The following DPP6 variants were observed in gnomAD, a reference collection of about 807,000 sequenced individuals.
DPP6 encodes the protein A-type potassium channel modulatory protein DPP6.
In DPP6, 69 loss-of-function variants were observed where a neutral mutation model predicts 122.6. The ratio of observed to expected loss-of-function variants is 0.56; its 90% CI spans 0.46 to 0.69. The LOEUF (loss-of-function observed/expected upper bound fraction) is 0.69, where lower values mean the gene tolerates loss of function less well. Among genes scored for constraint, DPP6 ranks in the 30% least tolerant of loss-of-function variants. The pLI is 0.00. For missense variants in DPP6, 928 were observed against 1,116.9 expected, an observed-to-expected ratio of 0.83 and a Z score of 2.41; for synonymous variants, 418 against 433.1, an observed-to-expected ratio of 0.97 and a Z score of 0.43.
At chr7:154,497,864 A>T (rs1406086832) in intron 3 of DPP6, among the ~76,000 whole-genome samples, 1 of 152,098 alleles carries the variant, frequency 6.6e-6, no homozygotes, top group African/African-American at 2.4e-5. Flanking sequence ...TTATCTCCTT[A>T]CAGCATCCCT....
In DPP6 at chr7:154,497,334, A is replaced by G. The variant is rs1029195605; in HGVS notation, c.457+22297A>G. 9.2e-5 allele frequency among the ~76,000 whole-genome samples: 14 copies of G among 152,266 alleles called. 1 individual carries two copies. Among genetic ancestry groups the G allele is most frequent in the African/African-American group, 3.4e-4 (14 of 41,556 alleles). On this transcript the variant is annotated intron_variant, in intron 3 of 25. Coordinates refer to ENST00000377770, the MANE Select transcript of DPP6 (RefSeq NM_130797.4). ...GAAAAAGAACTAGGACAGGCTGGGC[A>G]TGGTGGCTCATGCCTGTAATCTCAG... is the stretch of plus-strand genomic sequence containing the variant.
chr7:154,044,019 C>G (rs1029343021), intron 1 of DPP6, among the ~76,000 whole-genome samples: 1 of 149,846 alleles, frequency 6.7e-6, no homozygotes, highest in African/African-American at 2.5e-5. Flanking sequence ...AGCACAAATT[C>G]GGGGCACAAA....
chr7:154,628,498 C>G (rs992509807), intron 5 of DPP6, among the ~76,000 whole-genome samples: 1 of 152,096 alleles, frequency 6.6e-6, no homozygotes, highest in Non-Finnish European at 1.5e-5. Flanking sequence ...TTGGTCTCAC[C>G]ACTAGAAAAA....
At chr7:154,168,343 A>T (rs1267708395) in intron 1 of DPP6, among the ~76,000 whole-genome samples, 1 of 152,236 alleles carries the variant, frequency 6.6e-6, no homozygotes, top group African/African-American at 2.4e-5. Context: ...CCACAGAGAC[A>T]GACAGACACA....
intron 5 of DPP6, among the ~76,000 whole-genome samples, chr7:154,637,361 C>T (rs1005806179): frequency 6.6e-6 from 1 of 152,172 alleles, no homozygotes; most frequent in African/African-American, 2.4e-5. Context: ...ATTAAGCCTG[C>T]CTTGACTTCA....
At chr7:154,065,700 C>T (rs1361268587) in intron 1 of DPP6, among the ~76,000 whole-genome samples, 2 of 152,104 alleles carry the variant, frequency 1.3e-5, no homozygotes, top group Non-Finnish European at 2.9e-5. Flanking sequence ...ACCTGCCTGT[C>T]ACCCAGCCCC....
chr7:154,484,135 C>G (rs1394401300), intron 3 of DPP6, among the ~76,000 whole-genome samples: 1 of 152,152 alleles, frequency 6.6e-6, no homozygotes, highest in Admixed American at 6.5e-5. Flanking sequence ...ATTTATATGG[C>G]AAATACCCTC....
At chr7:154,577,606 C>G (rs1302066455) in intron 5 of DPP6, among the ~76,000 whole-genome samples, 1 of 152,156 alleles carries the variant, frequency 6.6e-6, no homozygotes, top group African/African-American at 2.4e-5. Flanking sequence ...GAACCAGTGA[C>G]ATGCCTGTAA....
At chr7:153,835,751 G>T in the DPP6 span, among the ~76,000 whole-genome samples, 1 of 152,176 alleles carries the variant, frequency 6.6e-6, no homozygotes, top group Non-Finnish European at 1.5e-5. Context: ...TCCAACGATT[G>T]GTTTTGAGGA....
chr7:154,866,836 A>T (rs1287772565), intron 17 of DPP6, among the ~76,000 whole-genome samples: 1 of 152,192 alleles, frequency 6.6e-6, no homozygotes, highest in South Asian at 2.1e-4. Flanking sequence ...GTTCCTCTAC[A>T]GAAGGTTGCC....
At chr7:154,243,598 ATCCTGGCTAACACAC>A (rs1173990128) in intron 1 of DPP6, among the ~76,000 whole-genome samples, 2 of 152,112 alleles carry the variant, frequency 1.3e-5, no homozygotes, top group Non-Finnish European at 2.9e-5. Flanking sequence ...GATTGAGACC[ATCCTGGCTAACACAC>A]TGAAACCCCG....
the DPP6 span, among the ~76,000 whole-genome samples, chr7:153,755,856 C>A: frequency 6.6e-6 from 1 of 152,122 alleles, no homozygotes; most frequent in Non-Finnish European, 1.5e-5. Context: ...TCTTCTCTTT[C>A]TGTAGGAAGC....
At chr7:154,027,598 T>G (rs1799009330) in intron 1 of DPP6, among the ~76,000 whole-genome samples, 1 of 152,072 alleles carries the variant, frequency 6.6e-6, no homozygotes. Context: ...GGGGAAAAAT[T>G]TCAAAGTATG....
At chr7:154,463,195 CTTTTT>C (rs368362408) in intron 2 of DPP6, among the ~76,000 whole-genome samples, 1,895 of 83,068 alleles carry the variant, frequency 0.023, 3 homozygotes, top group African/African-American at 0.042. Context: ...TTCTCCTTTT[CTTTTT>C]TTTTTTTTTT....
the DPP6 span, among the ~76,000 whole-genome samples, chr7:153,847,244 C>A: frequency 1.7e-4 from 26 of 152,164 alleles, no homozygotes; most frequent in African/African-American, 6.3e-4. Context: ...ATAGGCAGAG[C>A]AGCCTAGTTT....
intron 16 of DPP6, among the ~76,000 whole-genome samples, chr7:154,848,450 T>C (rs1802118132): frequency 6.6e-6 from 1 of 152,218 alleles, no homozygotes; most frequent in African/African-American, 2.4e-5. Flanking sequence ...CATGTATCTA[T>C]TTTCTATTTG....
Position 154,435,275 on chromosome 7 carries a change from G to A in DPP6, c.244-10939G>A, listed in dbSNP as rs141317740. Among the ~76,000 whole-genome samples the A allele has an allele frequency of 5.4e-4, 82 of 152,248 alleles. No individual in the cohort carries two copies. The East Asian group carries it at 0.013, about 25-fold the overall frequency. ...AGAAGGAGGACGAGAGAGAAAGAAA[G>A]AGGGAGGAATGGGAGGGGGTACTGA... On this transcript the variant is annotated intron_variant, in intron 1 of 25. Transcript: ENST00000377770.
intron 1 of DPP6, among the ~76,000 whole-genome samples, chr7:154,369,068 G>A (rs1812423096): frequency 6.6e-6 from 1 of 152,120 alleles, no homozygotes; most frequent in Admixed American, 6.6e-5. Flanking sequence ...AGCTAATCAT[G>A]ATGGGTGTTT....
At chr7:154,198,229 C>T (rs1359835293) in intron 1 of DPP6, among the ~76,000 whole-genome samples, 1 of 152,130 alleles carries the variant, frequency 6.6e-6, no homozygotes, top group Admixed American at 6.5e-5. Flanking sequence ...GCTTAGTCAC[C>T]CTTCGCCCAT....
Sources: allele counts gnomAD v4.1 joint callset (sites outside exome capture counted in the v4.1 genomes callset), GRCh38; gene constraint gnomAD v4.1.1; transcripts MANE v1.5; gene names NCBI Gene and HGNC (gene_info 2026-07-23, HGNC 2026-07-21).